RPTOR: variants seen among roughly 807,000 people sequenced by gnomAD.
RPTOR encodes regulatory-associated protein of mTOR.
In RPTOR, 21 loss-of-function variants were observed where a neutral mutation model predicts 169.9. The ratio of observed to expected loss-of-function variants is 0.12; its 90% CI spans 0.09 to 0.18. RPTOR has a LOEUF of 0.18. Among genes scored for constraint, RPTOR ranks in the 10% least tolerant of loss-of-function variants. The pLI, the probability that RPTOR is intolerant of heterozygous loss-of-function variation, is 1.00. For synonymous variants in RPTOR, 732 were observed against 753.2 expected, an observed-to-expected ratio of 0.97 and a Z score of 0.46; for missense variants, 1,133 against 1,855.9, an observed-to-expected ratio of 0.61 and a Z score of 7.16.
Position 80,879,169 on chromosome 17 carries a change from G to A in RPTOR, c.1510-1246G>A, listed in dbSNP as rs148017916. On this transcript the variant is annotated intron_variant, in intron 13 of 33. Transcript: ENST00000306801. The stretch of plus-strand genomic sequence containing the variant: ...ACTGTAACCCCTCCGGGATGAAAAC[G>A]CAACCCACCTCTTCAGTGGGCAGCC... Among the ~76,000 whole-genome samples the A allele has an allele frequency of 2.0e-3, 302 of 152,152 alleles. 4 individuals are homozygous for A. The highest frequency in any genetic ancestry group is 6.8e-3 in the African/African-American group (283 of 41,518).
intron 1 of RPTOR, among the ~76,000 whole-genome samples, chr17:80,572,406 CT>C (rs200995266): frequency 3.4e-5 from 4 of 118,804 alleles, no homozygotes; most frequent in African/African-American, 1.2e-4. Context: ...ATATTTTCTT[CT>C]TTTTTTTAAA....
intron 6 of RPTOR, among the ~76,000 whole-genome samples, chr17:80,791,210 G>A (rs1253373102): frequency 6.6e-6 from 1 of 152,112 alleles, no homozygotes; most frequent in Admixed American, 6.6e-5. Context: ...GCTGCAAACG[G>A]CTTCTCTCCT....
intron 21 of RPTOR, among the ~76,000 whole-genome samples, chr17:80,913,749 G>A (rs183706934): frequency 6.6e-6 from 1 of 152,136 alleles, no homozygotes; most frequent in Non-Finnish European, 1.5e-5. Flanking sequence ...CACTGCACCT[G>A]GCCTGCTTTT....
intron 1 of RPTOR, among the ~76,000 whole-genome samples, chr17:80,599,975 G>A (rs2065173473): frequency 6.6e-6 from 1 of 152,196 alleles, no homozygotes; most frequent in African/African-American, 2.4e-5. Flanking sequence ...AAATAAGACT[G>A]TTTCTCATTC....
intron 1 of RPTOR, among the ~76,000 whole-genome samples, chr17:80,584,210 C>T (rs1178705206): frequency 6.6e-6 from 1 of 152,108 alleles, no homozygotes; most frequent in Non-Finnish European, 1.5e-5. Context: ...ACTTGAATTG[C>T]ACTTTGATGG....
chr17:80,595,036 GGAGA>G (rs34187919), intron 1 of RPTOR, among the ~76,000 whole-genome samples: 4 of 150,672 alleles, frequency 2.7e-5, no homozygotes, highest in Admixed American at 6.6e-5. Context: ...GAACAAGAAG[GGAGA>G]GAGAGAGAGA....
Position 80,892,889 on chromosome 17 carries a change from G to A in RPTOR, c.2242+20G>A. The stretch of plus-strand genomic sequence containing the variant: ...AGGAATGTAAGATCCTGGAAATCGG[G>A]TTATTGGATTGGGAGAGATTGGGGT... On this transcript the variant is annotated intron_variant, in intron 19 of 33. Coordinates refer to ENST00000306801, the MANE Select transcript of RPTOR (RefSeq NM_020761.3). 1 of 1,611,866 alleles carries A rather than the reference G, an allele frequency of 6.2e-7. No homozygotes were observed.
chr17:80,727,299 C>T (rs1295443859), intron 4 of RPTOR, among the ~76,000 whole-genome samples: 7 of 151,324 alleles, frequency 4.6e-5, no homozygotes, highest in Admixed American at 2.6e-4. Context: ...CACCTCTGAC[C>T]GCATCATGCT....
In RPTOR at chr17:80,544,937, T is replaced by C; in HGVS notation, c.-693T>C. The C allele has an allele frequency of 4.3e-6, 1 of 230,210 alleles. No individual in the cohort carries two copies. Among genetic ancestry groups the C allele is most frequent in the Non-Finnish European group, 8.6e-6 (1 of 115,874 alleles). 14.3% of individuals were successfully genotyped at this position (230,210 alleles called of 1,614,324 possible). A position where few individuals can be genotyped will look rare whatever the true frequency, so the allele number is the denominator to read the frequency against. ...GCTCCCATGACCCAATAAGCCCACA[T>C]TGTCCCTTTCCTCCGTGGTTCCGTG... On this transcript the variant is annotated 5_prime_UTR_variant, in exon 1 of 34. Transcript: ENST00000306801.
chr17:80,898,939 G>A (rs1052431413), intron 20 of RPTOR, among the ~76,000 whole-genome samples: 5 of 151,880 alleles, frequency 3.3e-5, no homozygotes, highest in South Asian at 4.2e-4. Flanking sequence ...AGTTCCCACC[G>A]GGCAACCCTG....
rs1298976813 is a variant in RPTOR at position 80,708,441 on chromosome 17, CCCT to C, written c.507+447_507+449del. On this transcript the variant is annotated intron_variant, in intron 4 of 33. Coordinates refer to ENST00000306801, the MANE Select transcript of RPTOR (RefSeq NM_020761.3). The surrounding 1 kb of genome is among the most constrained non-coding windows in gnomAD (Gnocchi z 4.2). ...CCCTGCAGGTGCAGGCTCTGGGCTT[CCCT>C]CCTCAAGGTCAGAATCACCAGCCTT... 1.3e-5 allele frequency among the ~76,000 whole-genome samples: 2 copies of C among 152,220 alleles called. No individual in the cohort carries two copies. The highest frequency in any genetic ancestry group is 2.9e-5 in the Non-Finnish European group (2 of 68,032).
intron 4 of RPTOR, among the ~76,000 whole-genome samples, chr17:80,725,519 G>C (rs1156890432): frequency 6.6e-6 from 1 of 152,184 alleles, no homozygotes. Context: ...TGTATACAGG[G>C]GGCTTTTCAA....
chr17:80,779,502 G>A (rs555012541), intron 6 of RPTOR, among the ~76,000 whole-genome samples: 1 of 152,350 alleles, frequency 6.6e-6, no homozygotes, highest in Non-Finnish European at 1.5e-5. Flanking sequence ...GTCGTCACAG[G>A]TGGGGGATAA....
intron 4 of RPTOR, among the ~76,000 whole-genome samples, chr17:80,709,444 C>G (rs759705672): frequency 8.5e-5 from 13 of 152,208 alleles, no homozygotes; most frequent in Non-Finnish European, 1.8e-4. Flanking sequence ...TCCGGGAGAT[C>G]GCTGCTGATA....
At chr17:80,598,421 A>G (rs1368398897) in intron 1 of RPTOR, among the ~76,000 whole-genome samples, 1 of 152,234 alleles carries the variant, frequency 6.6e-6, no homozygotes, top group Non-Finnish European at 1.5e-5. Context: ...GGAAGAATCA[A>G]TTCAGATTTC....
At chr17:80,912,359 C>T (rs930589229) in intron 21 of RPTOR, among the ~76,000 whole-genome samples, 16 of 152,176 alleles carry the variant, frequency 1.1e-4, no homozygotes, top group Admixed American at 2.6e-4. Flanking sequence ...TCGTTTTCCC[C>T]CAATTAATTT....
chr17:80,929,624 T>G (rs1328338466), intron 24 of RPTOR, among the ~76,000 whole-genome samples: 1 of 152,230 alleles, frequency 6.6e-6, no homozygotes, highest in East Asian at 1.9e-4. Flanking sequence ...TGAGAGCATC[T>G]GCTCCTCTAG....
intron 6 of RPTOR, among the ~76,000 whole-genome samples, chr17:80,775,660 T>C (rs1359293284): frequency 1.3e-5 from 2 of 152,180 alleles, no homozygotes; most frequent in Non-Finnish European, 2.9e-5. Context: ...CGTTTGGCTG[T>C]CAAACCACAT....
chr17:80,814,841 G>T (rs1209256396), intron 7 of RPTOR, among the ~76,000 whole-genome samples: 1 of 152,284 alleles, frequency 6.6e-6, no homozygotes. Context: ...CTCTGGGCAG[G>T]CATCAAAGGA....
Sources: allele counts gnomAD v4.1 joint callset (sites outside exome capture counted in the v4.1 genomes callset), GRCh38; gene constraint gnomAD v4.1.1; non-coding constraint Gnocchi (gnomAD v3.1); transcripts MANE v1.5; gene names NCBI Gene and HGNC (gene_info 2026-07-23, HGNC 2026-07-21).